Variants in TMEM232 observed in about 807,000 individuals in gnomAD.
TMEM232 encodes the protein transmembrane protein 232.
Under a neutral mutation model 78.8 loss-of-function variants are expected in TMEM232, and 80 were observed. That is an observed-to-expected ratio of 1.01 (90% CI 0.85 to 1.22). TMEM232 has a LOEUF of 1.22. Among genes scored for constraint, TMEM232 ranks in the 50% most tolerant of loss-of-function variants. The probability of loss-of-function intolerance (pLI) is 0.00; values close to 1 mark genes in which losing one functional copy is unlikely to be tolerated. For synonymous variants in TMEM232, 297 were observed against 254.3 expected, an observed-to-expected ratio of 1.17 and a Z score of -1.60; for missense variants, 881 against 742.2, an observed-to-expected ratio of 1.19 and a Z score of -2.17.
At chr5:110,682,180 G>T (rs1020041155) in intron 1 of TMEM232, among the ~76,000 whole-genome samples, 1 of 151,790 alleles carries the variant, frequency 6.6e-6, no homozygotes, top group Non-Finnish European at 1.5e-5. Context: ...TGATGTAAAA[G>T]GAAATAATAG....
At chr5:110,566,788 A>C (rs916674814) in intron 11 of TMEM232, among the ~76,000 whole-genome samples, 7 of 151,838 alleles carry the variant, frequency 4.6e-5, no homozygotes, top group Non-Finnish European at 1.0e-4. Flanking sequence ...TTGTATCCAC[A>C]TTTTCAGGTA....
chr5:110,690,666 C>A (rs965113503), intron 1 of TMEM232, among the ~76,000 whole-genome samples: 2 of 152,188 alleles, frequency 1.3e-5, no homozygotes, highest in African/African-American at 2.4e-5. Flanking sequence ...TATAAACACA[C>A]ATGCACACAT....
chr5:110,489,671 A>G (rs1187291496), intron 12 of TMEM232, among the ~76,000 whole-genome samples: 1 of 152,134 alleles, frequency 6.6e-6, no homozygotes, highest in Non-Finnish European at 1.5e-5. Context: ...ATCAGGCAAT[A>G]AATAAATGGT....
chr5:110,725,326 A>T (rs1798046419), intron 1 of TMEM232, among the ~76,000 whole-genome samples: 1 of 152,326 alleles, frequency 6.6e-6, no homozygotes, highest in South Asian at 2.1e-4. Context: ...GTACTTTAAA[A>T]TTTATTGACT....
rs530597346 is a variant in TMEM232 at position 110,669,896 on chromosome 5, A to G, written c.-12-2532T>C. ...AGACAAAAACCACATGATTATCTCAATAGATGCAGAAAAGGCCTTTGACAA... is the reference window on the plus strand; with the variant it reads ...AGACAAAAACCACATGATTATCTCAGTAGATGCAGAAAAGGCCTTTGACAA... On this transcript the variant is annotated intron_variant, in intron 1 of 13. Transcript: ENST00000455884. 5.3e-3 allele frequency among the ~76,000 whole-genome samples: 811 copies of G among 152,332 alleles called. 2 individuals are homozygous for G. Among genetic ancestry groups the G allele is most frequent in the Non-Finnish European group, 9.1e-3 (618 of 68,024 alleles).
At chr5:110,434,414 G>T (rs1159908609) in intron 12 of TMEM232, among the ~76,000 whole-genome samples, 1 of 151,476 alleles carries the variant, frequency 6.6e-6, no homozygotes, top group Non-Finnish European at 1.5e-5. Context: ...GATTAAGCCA[G>T]GAATAAACAT....
chr5:110,714,870 T>G (rs1796864642), intron 1 of TMEM232, among the ~76,000 whole-genome samples: 1 of 152,154 alleles, frequency 6.6e-6, no homozygotes, highest in African/African-American at 2.4e-5. Context: ...AAACTAACAT[T>G]ATCACATCTG....
chr5:110,419,777 A>T lies in TMEM232; in HGVS notation c.*803T>A, dbSNP rs1756462567. Among the ~76,000 whole-genome samples the T allele has an allele frequency of 6.6e-6, 1 of 152,100 alleles. No homozygotes were observed. The highest frequency in any genetic ancestry group is 2.4e-5 in the African/African-American group (1 of 41,442). On this transcript the variant is annotated 3_prime_UTR_variant, in exon 14 of 14. Transcript: ENST00000455884. ...GGTATGAGTATTATCTATATTTTTC[A>T]GTTTTCAGGAAAGGAATATAAGACA...
intron 10 of TMEM232, among the ~76,000 whole-genome samples, chr5:110,601,667 C>T (rs1251316475): frequency 1.3e-5 from 2 of 152,102 alleles, no homozygotes; most frequent in Non-Finnish European, 2.9e-5. Context: ...AATGGAAAAA[C>T]ATTCCATGCT....
At chr5:110,424,149 AG>A (rs1319572177) in intron 13 of TMEM232, among the ~76,000 whole-genome samples, 1 of 152,144 alleles carries the variant, frequency 6.6e-6, no homozygotes, top group African/African-American at 2.4e-5. Flanking sequence ...ACTTAAAAGT[AG>A]TGTGAAAAAA....
At chr5:110,494,139 C>T (rs1158037586) in intron 12 of TMEM232, among the ~76,000 whole-genome samples, 2 of 152,032 alleles carry the variant, frequency 1.3e-5, no homozygotes. Flanking sequence ...TATATACGTG[C>T]TACATTTTCT....
chr5:110,638,869 AAAAGGCAGTGCG>A (rs1786273031), intron 4 of TMEM232, among the ~76,000 whole-genome samples: 2 of 152,208 alleles, frequency 1.3e-5, no homozygotes, highest in African/African-American at 4.8e-5. Flanking sequence ...ACCAGATGAT[AAAAGGCAGTGCG>A]AAAGATAAAA....
At chr5:110,540,376 A>C (rs1457212541) in intron 11 of TMEM232, among the ~76,000 whole-genome samples, 1 of 152,144 alleles carries the variant, frequency 6.6e-6, no homozygotes, top group Non-Finnish European at 1.5e-5. Context: ...CAGTCTTAGA[A>C]ATAAAAGGAT....
chr5:110,682,545 TTAAA>T (rs1792884180), intron 1 of TMEM232, among the ~76,000 whole-genome samples: 1 of 152,128 alleles, frequency 6.6e-6, no homozygotes, highest in Non-Finnish European at 1.5e-5. Context: ...TTCTGATAAT[TTAAA>T]TAGATTTCAA....
Position 110,429,580 on chromosome 5 carries a change from A to T in TMEM232, c.1704-4664T>A, listed in dbSNP as rs1055286946. 3.3e-5 allele frequency among the ~76,000 whole-genome samples: 5 copies of T among 151,768 alleles called. No homozygotes were observed. In the South Asian group the frequency reaches 1.0e-3, roughly 31 times the overall value. On this transcript the variant is annotated intron_variant, in intron 12 of 13. Transcript: ENST00000455884. ...CTCACCTAAGATCTGGCTTGGAAGC[A>T]TCAGTTGAGCAGATAAAATATTGTT...
intron 8 of TMEM232, among the ~76,000 whole-genome samples, chr5:110,613,404 A>C (rs998455196): frequency 3.9e-5 from 6 of 152,204 alleles, no homozygotes; most frequent in Admixed American, 3.9e-4. Context: ...ACTATAAATA[A>C]AATTTCTTCT....
intron 11 of TMEM232, among the ~76,000 whole-genome samples, chr5:110,529,682 A>T (rs1771146603): frequency 6.6e-6 from 1 of 152,076 alleles, no homozygotes; most frequent in Admixed American, 6.5e-5. Context: ...TGTAAAAAAA[A>T]TACCAAAATT....
intron 1 of TMEM232, among the ~76,000 whole-genome samples, chr5:110,719,947 G>C (rs185132875): frequency 3.2e-4 from 48 of 152,228 alleles, no homozygotes; most frequent in Admixed American, 4.6e-4. Context: ...AATTCAGGCA[G>C]AGACAGTTTT....
At chr5:110,648,755 T>C (rs1055523436) in intron 2 of TMEM232, among the ~76,000 whole-genome samples, 3 of 152,120 alleles carry the variant, frequency 2.0e-5, no homozygotes, top group Non-Finnish European at 4.4e-5. Context: ...AATACCTTAT[T>C]AGGAGAATCT....
Sources: gnomAD v4.1 joint callset for allele counts (sites outside exome capture counted in the v4.1 genomes callset) on GRCh38, gnomAD v4.1.1 for gene constraint, MANE v1.5 for transcripts, NCBI Gene and HGNC (gene_info 2026-07-23, HGNC 2026-07-21) for gene names.